HM13: variants seen among roughly 807,000 people sequenced by gnomAD.
HM13 encodes the protein histocompatibility minor 13.
Under a neutral mutation model 50.0 loss-of-function variants are expected in HM13, and 18 were observed. The ratio of observed to expected loss-of-function variants is 0.36; its 90% confidence interval spans 0.25 to 0.53. HM13 has a LOEUF of 0.53. HM13 is among the 20% of genes least tolerant of loss of function. HM13 has a pLI of 0.90. For synonymous variants in HM13, 197 were observed against 232.6 expected, an observed-to-expected ratio of 0.85 and a Z score of 1.39; for missense variants, 393 against 552.4, an observed-to-expected ratio of 0.71 and a Z score of 2.89.
At chr20:31,515,474 G>T (rs563833640) in intron 1 of HM13, among the ~76,000 whole-genome samples, 1 of 152,254 alleles carries the variant, frequency 6.6e-6, no homozygotes, top group African/African-American at 2.4e-5. Flanking sequence ...CTTGGACATG[G>T]CCTAGTCAAA....
intron 11 of HM13, among the ~76,000 whole-genome samples, chr20:31,566,883 G>T (rs971812695): frequency 6.6e-6 from 1 of 151,988 alleles, no homozygotes; most frequent in East Asian, 1.9e-4. Flanking sequence ...CAAGGCCTGC[G>T]TGACTCCAAC....
intron 12 of HM13, among the ~76,000 whole-genome samples, chr20:31,568,785 T>C (rs1985083648): frequency 6.6e-6 from 1 of 152,228 alleles, no homozygotes; most frequent in Non-Finnish European, 1.5e-5. Context: ...TGTAGCCTTG[T>C]CATGGCCACC....
chr20:31,550,403 C>G (rs1251219562), intron 7 of HM13: 2 of 409,216 alleles, frequency 4.9e-6, no homozygotes, highest in South Asian at 6.3e-5. Context: ...CCGGGGGGCA[C>G]GCGCAGGGGC....
intron 2 of HM13, among the ~76,000 whole-genome samples, chr20:31,535,925 C>T (rs181924339): frequency 2.6e-5 from 4 of 152,318 alleles, no homozygotes; most frequent in Non-Finnish European, 5.9e-5. Context: ...TGAACCTACA[C>T]CCAAGGTGAA....
chr20:31,549,784 C>T lies in HM13; in HGVS notation c.667-280C>T, dbSNP rs537525358. Reference sequence around the variant, plus strand: ...GCCTCTTCCCCTCTCAAGTGGGTAGCGCTGGGGGACTTTATCACTTGGGAG... The same window carrying T: ...GCCTCTTCCCCTCTCAAGTGGGTAGTGCTGGGGGACTTTATCACTTGGGAG... On this transcript the variant is annotated intron_variant, in intron 6 of 12. Transcript: ENST00000398174. Among the ~76,000 whole-genome samples, 4 of 152,284 alleles carry T rather than the reference C, an allele frequency of 2.6e-5. No individual in the cohort carries two copies. In the South Asian group the frequency reaches 8.3e-4, roughly 32 times the overall value.
At chr20:31,568,323 T>C (rs1985051218) in intron 12 of HM13, 99 bp downstream of exon 12, 4 of 1,446,752 alleles carry the variant, frequency 2.8e-6, no homozygotes, top group African/African-American at 2.8e-5. Flanking sequence ...GCAGGGACCA[T>C]TGCCAGGAGT....
intron 10 of HM13, among the ~76,000 whole-genome samples, chr20:31,562,087 C>A (rs1254552222): frequency 6.6e-5 from 10 of 152,342 alleles, no homozygotes; most frequent in Non-Finnish European, 1.5e-4. Context: ...GAGGATTTGG[C>A]TTCTCAGCCT....
chr20:31,561,621 A>G lies in HM13; in HGVS notation c.846-13A>G, dbSNP rs190500559. Reference sequence around the variant, plus strand: ...TCTAACCCTCCTCCTCTTTCTTCACACCTTCCCTGCAGCTTGAAGAAGAAT... The same window carrying G: ...TCTAACCCTCCTCCTCTTTCTTCACGCCTTCCCTGCAGCTTGAAGAAGAAT... On this transcript the variant is annotated splice_polypyrimidine_tract_variant and intron_variant, in intron 9 of 12. Transcript: ENST00000398174. The G allele has an allele frequency of 3.6e-4, 561 of 1,574,980 alleles. 5 individuals are homozygous for G. In the East Asian group the frequency reaches 9.6e-3, roughly 27 times the overall value.
intron 4 of HM13, chr20:31,548,078 A>G (rs1983822933): frequency 1.5e-6 from 2 of 1,359,914 alleles, no homozygotes; most frequent in Non-Finnish European, 2.1e-6. Context: ...TTGGGGGGCT[A>G]AATGTGGATA....
rs1347949521 is a variant in HM13, at chr20:31,567,895, G to C, written c.1035-183G>C. On this transcript the variant is annotated intron_variant, in intron 11 of 12. Transcript: ENST00000398174. ...CAGTGGCCTGATGTGCCTTTGTCTAGGTGCATCTTTCTTTTTTCATTCTCC... is the reference window on the plus strand; with the variant it reads ...CAGTGGCCTGATGTGCCTTTGTCTACGTGCATCTTTCTTTTTTCATTCTCC... The C allele has an allele frequency of 1.9e-5, 11 of 587,394 alleles. No individual in the cohort carries two copies. The East Asian group carries it at 3.3e-4, about 17-fold the overall frequency. 36.4% of individuals were successfully genotyped at this position (587,394 alleles called of 1,614,324 possible).
At chr20:31,548,734 G>A in intron 4 of HM13, 1 of 446,166 alleles carries the variant, frequency 2.2e-6, no homozygotes, top group Non-Finnish European at 4.1e-6. Context: ...CCAGCTACAA[G>A]TAACAAAGCC....
chr20:31,558,109 G>T (rs913592891), intron 8 of HM13, among the ~76,000 whole-genome samples: 1 of 152,254 alleles, frequency 6.6e-6, no homozygotes, highest in Non-Finnish European at 1.5e-5. Context: ...ACAGGGACAG[G>T]ACTGGTTGGC....
intron 4 of HM13, among the ~76,000 whole-genome samples, chr20:31,546,447 AT>A (rs1238367528): frequency 5.0e-4 from 73 of 146,148 alleles, no homozygotes; most frequent in Admixed American, 4.8e-4. Flanking sequence ...ACAATTGTTG[AT>A]TTTTTTTTTT....
At chr20:31,527,413 C>T in intron 1 of HM13, 71 bp from the exon 2 acceptor site, 1 of 1,056,248 alleles carries the variant, frequency 9.5e-7, no homozygotes, top group Non-Finnish European at 1.4e-6. Flanking sequence ...AAGGGAATAG[C>T]ATTAGCAGAG....
At chr20:31,566,902 G>T (rs1984951571) in intron 11 of HM13, among the ~76,000 whole-genome samples, 1 of 152,136 alleles carries the variant, frequency 6.6e-6, no homozygotes, top group Non-Finnish European at 1.5e-5. Context: ...ACAGGTGTCT[G>T]CCCCCAGCAC....
chr20:31,560,612 C>G (rs1055296660), intron 9 of HM13, among the ~76,000 whole-genome samples: 1 of 152,224 alleles, frequency 6.6e-6, no homozygotes, highest in Non-Finnish European at 1.5e-5. Context: ...CCTGGCTGTT[C>G]AGAGGTAATA....
chr20:31,553,659 A>G (rs1174493407), intron 7 of HM13, among the ~76,000 whole-genome samples: 1 of 151,980 alleles, frequency 6.6e-6, no homozygotes, highest in African/African-American at 2.4e-5. Context: ...GCAAGGCCCT[A>G]TGGATGAAAT....
intron 4 of HM13, chr20:31,547,341 C>G (rs766860601): frequency 4.8e-5 from 15 of 311,420 alleles, no homozygotes; most frequent in Non-Finnish European, 7.7e-5. Flanking sequence ...CAGATTTCAC[C>G]GGGCCGTAAA....
chr20:31,530,452 A>T (rs924146295), intron 2 of HM13, among the ~76,000 whole-genome samples: 1 of 150,352 alleles, frequency 6.7e-6, no homozygotes, highest in African/African-American at 2.5e-5. Flanking sequence ...CTCTGTCGCC[A>T]GGCTGGAGTG....
Sources: gnomAD v4.1 joint callset for allele counts (sites outside exome capture counted in the v4.1 genomes callset) on GRCh38, gnomAD v4.1.1 for gene constraint, MANE v1.5 for transcripts, NCBI Gene and HGNC (gene_info 2026-07-23, HGNC 2026-07-21) for gene names.